Variants in DOCK4 observed in about 807,000 individuals in gnomAD.
DOCK4 encodes the protein dedicator of cytokinesis 4.
In DOCK4, 97 loss-of-function variants were observed where a neutral mutation model predicts 268.1. The observed-to-expected ratio is 0.36, with a 90% confidence interval of 0.31 to 0.43. The LOEUF is 0.43. Among genes scored for constraint, DOCK4 ranks in the 20% least tolerant of loss-of-function variants. DOCK4 has a pLI of 1.00. For missense variants in DOCK4, 2,145 were observed against 2,455.7 expected, an observed-to-expected ratio of 0.87 and a Z score of 2.67; for synonymous variants, 954 against 887.2, an observed-to-expected ratio of 1.08 and a Z score of -1.34.
At chr7:112,083,052 C>A (rs1271636823) in intron 1 of DOCK4, among the ~76,000 whole-genome samples, 1 of 151,946 alleles carries the variant, frequency 6.6e-6, no homozygotes, top group Non-Finnish European at 1.5e-5. Context: ...TTAATTGTAG[C>A]CCCAAATAAA....
intron 44 of DOCK4, 108 bp from the exon 45 acceptor site, chr7:111,742,240 T>A: frequency 1.7e-6 from 2 of 1,169,382 alleles, no homozygotes; most frequent in Non-Finnish European, 2.2e-6. Flanking sequence ...TTATTGCTAA[T>A]CCTCTGCCTC....
intron 16 of DOCK4, among the ~76,000 whole-genome samples, chr7:111,882,202 CCTA>C (rs1807449249): frequency 6.6e-6 from 1 of 151,978 alleles, no homozygotes; most frequent in African/African-American, 2.4e-5. Context: ...AATATAATCA[CCTA>C]CTATGTACCC....
intron 1 of DOCK4, among the ~76,000 whole-genome samples, chr7:112,160,925 C>T (rs1286206614): frequency 6.6e-6 from 1 of 152,080 alleles, no homozygotes; most frequent in Admixed American, 6.5e-5. Context: ...GACTCGAGGC[C>T]CCCCATCAAG....
intron 1 of DOCK4, among the ~76,000 whole-genome samples, chr7:112,102,849 T>C (rs1345530637): frequency 2.2e-5 from 3 of 136,354 alleles, no homozygotes; most frequent in Non-Finnish European, 5.1e-5. Context: ...AGTTAATATA[T>C]GCCAAACACT....
intron 6 of DOCK4, among the ~76,000 whole-genome samples, chr7:111,985,521 A>G (rs1327425706): frequency 1.3e-5 from 2 of 152,234 alleles, no homozygotes; most frequent in African/African-American, 4.8e-5. Flanking sequence ...AAATCTCATT[A>G]AGGTTTCATA....
At chr7:112,081,158 C>T (rs1045991369) in intron 1 of DOCK4, among the ~76,000 whole-genome samples, 1 of 151,954 alleles carries the variant, frequency 6.6e-6, no homozygotes, top group Non-Finnish European at 1.5e-5. Context: ...AAAAAAGAAT[C>T]GAAACAGGAA....
chr7:111,928,425 TA>T (rs1472395086), intron 12 of DOCK4, among the ~76,000 whole-genome samples: 35 of 152,140 alleles, frequency 2.3e-4, no homozygotes, highest in East Asian at 1.9e-4. Flanking sequence ...GATTTAGTTT[TA>T]TTTTTTTTAA....
chr7:111,743,367 C>T (rs923114460), intron 44 of DOCK4, among the ~76,000 whole-genome samples: 3 of 152,190 alleles, frequency 2.0e-5, no homozygotes, highest in African/African-American at 4.8e-5. Flanking sequence ...CTGACCCTGG[C>T]GGGTTGGGGC....
intron 1 of DOCK4, among the ~76,000 whole-genome samples, chr7:112,056,128 G>A (rs1805794000): frequency 6.6e-6 from 1 of 152,136 alleles, no homozygotes; most frequent in South Asian, 2.1e-4. Context: ...GATACGGCAG[G>A]TGATGAGACC....
chr7:112,058,003 C>T (rs1447994106), intron 1 of DOCK4, among the ~76,000 whole-genome samples: 4 of 144,206 alleles, frequency 2.8e-5, no homozygotes, highest in African/African-American at 7.7e-5. Context: ...TAAAAATACA[C>T]ATTTTGGAAG....
At chr7:111,761,146 C>T (rs1020006766) in intron 39 of DOCK4, among the ~76,000 whole-genome samples, 7 of 151,358 alleles carry the variant, frequency 4.6e-5, no homozygotes, top group Non-Finnish European at 8.8e-5. Flanking sequence ...CTGCAACCTC[C>T]GTCTCCCACT....
In DOCK4 at chr7:111,876,353, T is replaced by TAAGAAACGAATAAC. The variant is rs559894807; in HGVS notation, c.1744+676_1744+677insGTTATTCGTTTCTT. Among the ~76,000 whole-genome samples, 9 of 152,304 alleles carry TAAGAAACGAATAAC rather than the reference T, an allele frequency of 5.9e-5. No individual in the cohort carries two copies. In the South Asian group the frequency reaches 1.5e-3, roughly 25 times the overall value. ...TGTTCTCTGACACAGAAGAAGGAAC[T>TAAGAAACGAATAAC]AAGAAAGAACGAATAACAAGCACAC... On this transcript the variant is annotated intron_variant, in intron 17 of 52. Transcript: ENST00000428084.
chr7:111,753,005 T>TGGA (rs1554581789), intron 42 of DOCK4, among the ~76,000 whole-genome samples: 2 of 105,166 alleles, frequency 1.9e-5, no homozygotes, highest in Non-Finnish European at 1.9e-5. Context: ...GATAAGCTAT[T>TGGA]GGGGGGGGGG....
chr7:111,795,249 C>A (rs150696998), intron 30 of DOCK4, among the ~76,000 whole-genome samples: 14 of 152,024 alleles, frequency 9.2e-5, no homozygotes, highest in Non-Finnish European at 1.8e-4. Context: ...AGGAGGATCA[C>A]GGAAGCCCAA....
At chr7:111,957,987 G>C (rs970769990) in intron 8 of DOCK4, among the ~76,000 whole-genome samples, 1 of 152,148 alleles carries the variant, frequency 6.6e-6, no homozygotes, top group African/African-American at 2.4e-5. Context: ...AGGGCTGAGA[G>C]CACAGTTCTT....
chr7:111,853,817 C>T (rs1804781589), intron 23 of DOCK4, among the ~76,000 whole-genome samples: 1 of 152,176 alleles, frequency 6.6e-6, no homozygotes, highest in Admixed American at 6.5e-5. Context: ...AGCCACCCTG[C>T]CACACACTGT....
intron 27 of DOCK4, among the ~76,000 whole-genome samples, chr7:111,813,936 T>A (rs906903276): frequency 6.6e-6 from 1 of 152,204 alleles, no homozygotes; most frequent in Admixed American, 6.5e-5. Context: ...AAGAAAAATC[T>A]GTATGCTTAA....
chr7:111,984,499 T>C lies in DOCK4; in HGVS notation c.465-109A>G, dbSNP rs1224990407. The C allele has an allele frequency of 1.3e-5, 11 of 861,236 alleles. No homozygotes were observed. In the South Asian group the frequency reaches 1.8e-4, roughly 14 times the overall value. The allele number at this position is 861,236 out of a possible 1,614,324, so 53.3% of individuals were successfully genotyped here. ...TGGAAATTAGGTATATCACCCACCATGCTTCTCTCACCTTGTATGACTTGT... is the reference window on the plus strand; with the variant it reads ...TGGAAATTAGGTATATCACCCACCACGCTTCTCTCACCTTGTATGACTTGT... On this transcript the variant is annotated intron_variant, in intron 6 of 52. Transcript: ENST00000428084.
At chr7:112,121,806 C>T (rs966038019) in intron 1 of DOCK4, among the ~76,000 whole-genome samples, 3 of 152,196 alleles carry the variant, frequency 2.0e-5, no homozygotes, top group Admixed American at 6.5e-5. Flanking sequence ...TTTGACCCCA[C>T]TCATGCGCTG....
Sources: allele counts gnomAD v4.1 joint callset (sites outside exome capture counted in the v4.1 genomes callset), GRCh38; gene constraint gnomAD v4.1.1; transcripts MANE v1.5; gene names NCBI Gene and HGNC (gene_info 2026-07-23, HGNC 2026-07-21).